The following JARID2 variants were observed in gnomAD, a reference collection of about 807,000 sequenced individuals.
The protein encoded by JARID2 is protein Jumonji.
In JARID2, 21 loss-of-function variants were observed where a neutral mutation model predicts 125.6. That is an observed-to-expected ratio of 0.17 (90% CI 0.12 to 0.24). The LOEUF is 0.24. Ranked by LOEUF, JARID2 falls within the 10% of genes least tolerant of loss-of-function variation. The probability of loss-of-function intolerance (pLI) is 1.00; values close to 1 mark genes in which losing one functional copy is unlikely to be tolerated. For missense variants in JARID2, 1,303 were observed against 1,639.6 expected, an observed-to-expected ratio of 0.79 and a Z score of 3.55; for synonymous variants, 736 against 661.6, an observed-to-expected ratio of 1.11 and a Z score of -1.73.
At chr6:15,446,891 G>A (rs1426839368) in intron 3 of JARID2, among the ~76,000 whole-genome samples, 2 of 152,148 alleles carry the variant, frequency 1.3e-5, no homozygotes, top group African/African-American at 4.8e-5. Flanking sequence ...CTCACATAGG[G>A]ACCCATAGGT....
chr6:15,375,695 A>G (rs1159706108), intron 2 of JARID2, among the ~76,000 whole-genome samples: 1 of 152,176 alleles, frequency 6.6e-6, no homozygotes, highest in Non-Finnish European at 1.5e-5. Context: ...ATTGTCATTG[A>G]TTCACGTTGA....
At chr6:15,261,489 T>C (rs1336022518) in intron 1 of JARID2, among the ~76,000 whole-genome samples, 1 of 151,702 alleles carries the variant, frequency 6.6e-6, no homozygotes, top group Non-Finnish European at 1.5e-5. Flanking sequence ...ACCTAAATTT[T>C]GTGTTTTTTG....
At chr6:15,511,070 G>A (rs755866192) in intron 12 of JARID2, among the ~76,000 whole-genome samples, 9 of 152,214 alleles carry the variant, frequency 5.9e-5, no homozygotes, top group Admixed American at 5.2e-4. Context: ...CTCGCAACGC[G>A]GATGCACTGT....
intron 1 of JARID2, among the ~76,000 whole-genome samples, chr6:15,333,057 G>A (rs1490908494): frequency 1.4e-5 from 2 of 145,724 alleles, no homozygotes; most frequent in African/African-American, 5.1e-5. Context: ...TCAGCCTCCC[G>A]AGTAGCTTGG....
At chr6:15,445,629 G>A (rs1020261548) in intron 3 of JARID2, among the ~76,000 whole-genome samples, 1 of 152,210 alleles carries the variant, frequency 6.6e-6, no homozygotes, top group Admixed American at 6.5e-5. Context: ...TGGTCTTGTT[G>A]CATGAGGTGT....
At chr6:15,265,668 G>A (rs75049360) in intron 1 of JARID2, among the ~76,000 whole-genome samples, 1 of 152,148 alleles carries the variant, frequency 6.6e-6, no homozygotes, top group African/African-American at 2.4e-5. Context: ...CAATTAAGGA[G>A]TATTCTGCAG....
intron 1 of JARID2, among the ~76,000 whole-genome samples, chr6:15,284,676 G>A (rs190793098): frequency 2.6e-5 from 4 of 152,092 alleles, no homozygotes; most frequent in Admixed American, 2.6e-4. Flanking sequence ...TAGTAGAGAC[G>A]GGGTTTTACC....
intron 1 of JARID2, among the ~76,000 whole-genome samples, chr6:15,337,203 T>TCTTA (rs999654817): frequency 2.0e-5 from 3 of 152,170 alleles, no homozygotes; most frequent in African/African-American, 7.2e-5. Context: ...CTCTTCTCTC[T>TCTTA]CTTACATGAG....
chr6:15,493,653 C>A (rs189927104), intron 6 of JARID2, among the ~76,000 whole-genome samples: 246 of 151,290 alleles, frequency 1.6e-3, no homozygotes, highest in Middle Eastern at 6.8e-3. Flanking sequence ...GAGGCCCATT[C>A]CCCCACCCCC....
intron 1 of JARID2, among the ~76,000 whole-genome samples, chr6:15,367,707 A>T (rs1027315797): frequency 2.0e-5 from 3 of 152,220 alleles, no homozygotes; most frequent in Admixed American, 2.0e-4. Context: ...AAAGGGAGAA[A>T]GCAGTGGTGT....
At chr6:15,512,172 A>G (rs751217678) in intron 13 of JARID2, 36 bp from the exon 14 acceptor site, 2 of 1,599,052 alleles carry the variant, frequency 1.3e-6, no homozygotes, top group Non-Finnish European at 1.7e-6. Flanking sequence ...CCCTGCGCAC[A>G]GGGAGGGGTG....
intron 1 of JARID2, among the ~76,000 whole-genome samples, chr6:15,310,279 T>G (rs1452498578): frequency 2.6e-5 from 4 of 152,056 alleles, no homozygotes. Context: ...AGAAAAACAG[T>G]AGAAAAAATG....
intron 7 of JARID2, among the ~76,000 whole-genome samples, chr6:15,498,937 G>A (rs777973870): frequency 6.6e-6 from 1 of 152,198 alleles, no homozygotes; most frequent in Non-Finnish European, 1.5e-5. Flanking sequence ...AACATTCCAA[G>A]TTTCCCTCCT....
Position 15,520,862 on chromosome 6 carries a change from C to T in JARID2, c.*611C>T, listed in dbSNP as rs536038434. 27 of 455,506 alleles carry T rather than the reference C, an allele frequency of 5.9e-5. No homozygotes were observed. The highest frequency in any genetic ancestry group is 9.4e-5 in the Admixed American group (4 of 42,532). The allele number at this position is 455,506 out of a possible 1,614,324, so 28.2% of individuals were successfully genotyped here. A position where few individuals can be genotyped will look rare whatever the true frequency, so the allele number is the denominator to read the frequency against. Reference sequence around the variant, plus strand: ...CCTAACCATAGGTGGAACGAGGAGACGGGAGCGAGTGGGCTCTCCACCAGC... The same window carrying T: ...CCTAACCATAGGTGGAACGAGGAGATGGGAGCGAGTGGGCTCTCCACCAGC... On this transcript the variant is annotated 3_prime_UTR_variant, in exon 18 of 18. Transcript: ENST00000341776.
chr6:15,275,533 GC>G (rs61037434), intron 1 of JARID2, among the ~76,000 whole-genome samples: 6,860 of 18,956 alleles, frequency 0.36, 1,416 homozygotes, highest in East Asian at 0.53. Context: ...CGCCCCCCCC[GC>G]CCCCCCCCCC....
intron 1 of JARID2, chr6:15,247,513 A>G (rs1282184118): frequency 3.1e-6 from 3 of 965,170 alleles, no homozygotes; most frequent in Non-Finnish European, 3.6e-6. Context: ...GATTAGCTGC[A>G]TGCTTTAAAT....
At chr6:15,314,484 G>A (rs892319517) in intron 1 of JARID2, among the ~76,000 whole-genome samples, 2 of 152,196 alleles carry the variant, frequency 1.3e-5, no homozygotes, top group Non-Finnish European at 2.9e-5. Context: ...TTTGAAAGTT[G>A]CTGTCATTCA....
chr6:15,415,204 G>A (rs558320027), intron 3 of JARID2, among the ~76,000 whole-genome samples: 7 of 152,244 alleles, frequency 4.6e-5, no homozygotes, highest in Non-Finnish European at 7.4e-5. Context: ...AAAGTCTCCC[G>A]TGTCTACCTC....
intron 16 of JARID2, among the ~76,000 whole-genome samples, chr6:15,515,205 CT>C (rs79690580): frequency 1.6e-3 from 229 of 145,872 alleles, no homozygotes; most frequent in East Asian, 2.0e-3. Context: ...GCCTGGTTAA[CT>C]TTTTTTTTTT....
Sources: allele counts gnomAD v4.1 joint callset (sites outside exome capture counted in the v4.1 genomes callset), GRCh38; gene constraint gnomAD v4.1.1; transcripts MANE v1.5; gene names NCBI Gene and HGNC (gene_info 2026-07-23, HGNC 2026-07-21).